Variants in DEFB112 observed in about 807,000 individuals in gnomAD.
The protein encoded by DEFB112 is defensin beta 112, also known as beta-defensin 112.
Under a neutral mutation model 1.1 loss-of-function variants are expected in DEFB112, and 2 were observed. The observed-to-expected ratio is 1.85, with a 90% CI of 0.76 to 5.83. The LOEUF (loss-of-function observed/expected upper bound fraction) is 5.83. Ranked by LOEUF, DEFB112 falls within the 30% of genes most tolerant of loss-of-function variation. DEFB112 has a pLI of 0.05. For synonymous variants in DEFB112, 40 were observed against 31.2 expected, an observed-to-expected ratio of 1.28 and a Z score of -0.93; for missense variants, 120 against 94.4, an observed-to-expected ratio of 1.27 and a Z score of -1.12.
chr6:50,046,909 C>A (rs566679090), intron 1 of DEFB112, among the ~76,000 whole-genome samples: 1 of 152,250 alleles, frequency 6.6e-6, no homozygotes, highest in African/African-American at 2.4e-5. Context: ...CATGAGCTGG[C>A]CAGGTACTGA....
At position 50,042,192 on chromosome 6, in the gene DEFB112, G is replaced by A. The variant is rs1006126079; in HGVS notation, c.*1383C>T. Among the ~76,000 whole-genome samples, 1 of 151,856 alleles carries A rather than the reference G, an allele frequency of 6.6e-6. No homozygotes were observed. The highest frequency in any genetic ancestry group is 2.4e-5 in the African/African-American group (1 of 41,362). On this transcript the variant is annotated 3_prime_UTR_variant, in exon 2 of 2. Transcript: ENST00000651554. ...GTATACTGTGAGACCCCTGAAGTGG[G>A]GTTCAGAGTTTGGATCATAAACCAA...
intron 1 of DEFB112, among the ~76,000 whole-genome samples, chr6:50,047,536 G>A (rs1162220699): frequency 6.6e-6 from 1 of 152,050 alleles, no homozygotes; most frequent in Non-Finnish European, 1.5e-5. Flanking sequence ...TCTCTCACCT[G>A]GTTTCCTTAG....
chr6:50,045,014 T>G (rs1185345953), intron 1 of DEFB112, among the ~76,000 whole-genome samples: 2 of 152,072 alleles, frequency 1.3e-5, no homozygotes, highest in Non-Finnish European at 2.9e-5. Context: ...GATATTCCTT[T>G]TAACATACTC....
rs916655160 is a variant in DEFB112, at chr6:50,043,505, T to A, written c.*70A>T. 21 of 1,156,986 alleles carry A rather than the reference T, an allele frequency of 1.8e-5. No individual in the cohort carries two copies. Among genetic ancestry groups the A allele is most frequent in the African/African-American group, 3.1e-5 (2 of 65,366 alleles). The allele number at this position is 1,156,986 out of a possible 1,614,324, so 71.7% of individuals were successfully genotyped here. A position where few individuals can be genotyped will look rare whatever the true frequency, so the allele number is the denominator to read the frequency against. On this transcript the variant is annotated 3_prime_UTR_variant, in exon 2 of 2. Coordinates refer to ENST00000651554, the MANE Select transcript of DEFB112 (RefSeq NM_001369057.2). ...GGTATGCATGCATGGAAATTATAGG[T>A]CATTAATGAAGTGATGAAATAATGA...
At chr6:50,048,758 A>G (rs1774880756) in intron 1 of DEFB112, 3 of 708,308 alleles carry the variant, frequency 4.2e-6, no homozygotes, top group South Asian at 1.8e-5. Context: ...AGTTGCCTCT[A>G]TTTAATGGTC....
chr6:50,046,052 G>A (rs979877452), intron 1 of DEFB112, among the ~76,000 whole-genome samples: 1 of 152,054 alleles, frequency 6.6e-6, no homozygotes, highest in Admixed American at 6.6e-5. Flanking sequence ...TATGTTAGAT[G>A]ATTTTGCCCA....
At chr6:50,049,788 C>T (rs1774895938) in intron 1 of DEFB112, among the ~76,000 whole-genome samples, 24 bp downstream of exon 1, 1 of 151,954 alleles carries the variant, frequency 6.6e-6, no homozygotes. Flanking sequence ...CCCTTGACCC[C>T]TCTAGCAATA....
intron 1 of DEFB112, among the ~76,000 whole-genome samples, chr6:50,044,168 T>A (rs1177385741): frequency 6.6e-6 from 1 of 152,114 alleles, no homozygotes; most frequent in Non-Finnish European, 1.5e-5. Context: ...CTGTGGTAAA[T>A]GTTCTCTTCC....
chr6:50,046,370 A>C lies in DEFB112; in HGVS notation c.59-2569T>G, dbSNP rs530979786. Among the ~76,000 whole-genome samples, 17 of 152,210 alleles carry C rather than the reference A, an allele frequency of 1.1e-4. 2 individuals carry two copies. Among genetic ancestry groups the C allele is most frequent in the African/African-American group, 3.1e-4 (13 of 41,530 alleles). Reference sequence around the variant, plus strand: ...TTGCAGTACTGATTTTCATTAATACATAGCATTCACTTTATCTAATAAACT... The same window carrying C: ...TTGCAGTACTGATTTTCATTAATACCTAGCATTCACTTTATCTAATAAACT... On this transcript the variant is annotated intron_variant, in intron 1 of 1. Coordinates refer to ENST00000651554, the MANE Select transcript of DEFB112 (RefSeq NM_001369057.2).
At position 50,043,676 on chromosome 6, in the gene DEFB112, G is replaced by A; in HGVS notation, c.184C>T (p.His62Tyr). Residue 62 changes from histidine (H) to tyrosine (Y), a missense_variant, in exon 2 of 2, where the codon CAT (histidine) becomes TAT (tyrosine). Physicochemically the swap from His to Tyr is moderately conservative, Grantham distance 83 (BLOSUM62 2). Coordinates refer to ENST00000651554, the MANE Select transcript of DEFB112 (RefSeq NM_001369057.2). Reference sequence around the variant, plus strand: ...GGGTCACATTCTGTCACGCAGCAATGAGTTGTAGGTCTTGCACAGTATGAA... The same window carrying A: ...GGGTCACATTCTGTCACGCAGCAATAAGTTGTAGGTCTTGCACAGTATGAA... ...RISYCARPTT[H>Y]CCVTECDPTD... 2 of 1,613,558 alleles carry A rather than the reference G, an allele frequency of 1.2e-6. No homozygotes were observed. Among genetic ancestry groups the A allele is most frequent in the Non-Finnish European group, 8.5e-7 (1 of 1,179,600 alleles).
In DEFB112 at chr6:50,042,315, C is replaced by A. The variant is rs949809266; in HGVS notation, c.*1260G>T. Among the ~76,000 whole-genome samples, 1 of 151,872 alleles carries A rather than the reference C, an allele frequency of 6.6e-6. No homozygotes were observed. The highest frequency in any genetic ancestry group is 1.5e-5 in the Non-Finnish European group (1 of 67,908). ...AGGAATATCATATATAATTTGGACA[C>A]CCAGATGCTTTTCCCTATGTGCCCA... On this transcript the variant is annotated 3_prime_UTR_variant, in exon 2 of 2. Transcript: ENST00000651554.
At chr6:50,045,658 G>A (rs980096245) in intron 1 of DEFB112, among the ~76,000 whole-genome samples, 11 of 152,146 alleles carry the variant, frequency 7.2e-5, no homozygotes, top group East Asian at 1.9e-4. Context: ...GTCCTTGTGC[G>A]AACACCATAA....
intron 1 of DEFB112, 62 bp from the exon 2 acceptor site, chr6:50,043,863 G>C: frequency 7.3e-7 from 1 of 1,365,034 alleles, no homozygotes; most frequent in Non-Finnish European, 1.0e-6. Context: ...AGATTTAAAA[G>C]AAGACATGGG....
At chr6:50,046,378 C>A (rs550785327) in intron 1 of DEFB112, among the ~76,000 whole-genome samples, 2 of 152,138 alleles carry the variant, frequency 1.3e-5, no homozygotes, top group African/African-American at 4.8e-5. Flanking sequence ...ACATAGCATT[C>A]ACTTTATCTA....
intron 1 of DEFB112, 22 bp from the exon 2 acceptor site, chr6:50,043,823 T>C (rs1774788958): frequency 1.9e-6 from 3 of 1,603,048 alleles, no homozygotes; most frequent in South Asian, 1.1e-5. Context: ...CAAGAACAGC[T>C]GGAATTAGTA....
At chr6:50,045,068 T>C (rs944029580) in intron 1 of DEFB112, among the ~76,000 whole-genome samples, 3 of 152,064 alleles carry the variant, frequency 2.0e-5, no homozygotes, top group African/African-American at 7.2e-5. Flanking sequence ...GAGACAGCAC[T>C]TTATGCAGTT....
chr6:50,046,576 G>A (rs187167304), intron 1 of DEFB112, among the ~76,000 whole-genome samples: 2 of 152,216 alleles, frequency 1.3e-5, no homozygotes, highest in Admixed American at 1.3e-4. Flanking sequence ...GATTGCAAGT[G>A]AGGATGAGCA....
intron 1 of DEFB112, among the ~76,000 whole-genome samples, chr6:50,045,799 G>A (rs1582382043): frequency 6.6e-6 from 1 of 152,068 alleles, no homozygotes; most frequent in East Asian, 1.9e-4. Context: ...TAACATAATG[G>A]TAAGTATTTA....
Position 50,042,477 on chromosome 6 carries a change from A to T in DEFB112, c.*1098T>A, listed in dbSNP as rs1774760288. Among the ~76,000 whole-genome samples the T allele has an allele frequency of 6.6e-6, 1 of 152,030 alleles. No individual in the cohort carries two copies. The highest frequency in any genetic ancestry group is 1.5e-5 in the Non-Finnish European group (1 of 67,940). On this transcript the variant is annotated 3_prime_UTR_variant, in exon 2 of 2. Coordinates refer to ENST00000651554, the MANE Select transcript of DEFB112 (RefSeq NM_001369057.2). Reference sequence around the variant, plus strand: ...CCTTGTTACCACATAATTTTAAGTGACTAGCTCCCTTTTCTTCATGTGGCC... The same window carrying T: ...CCTTGTTACCACATAATTTTAAGTGTCTAGCTCCCTTTTCTTCATGTGGCC...
Sources: allele counts gnomAD v4.1 joint callset (sites outside exome capture counted in the v4.1 genomes callset), GRCh38; gene constraint gnomAD v4.1.1; transcripts MANE v1.5; gene names NCBI Gene and HGNC (gene_info 2026-07-23, HGNC 2026-07-21).